DNAJC10: variants seen among roughly 807,000 people sequenced by gnomAD.
The protein encoded by DNAJC10 is endoplasmic reticulum disulfide reductase DNAJC10.
In DNAJC10, 101 loss-of-function variants were observed where a neutral mutation model predicts 115.0. The ratio of observed to expected loss-of-function variants is 0.88; its 90% CI spans 0.75 to 1.04. The LOEUF (loss-of-function observed/expected upper bound fraction) is 1.04, where lower values mean the gene tolerates loss of function less well. DNAJC10 is among the 50% of genes least tolerant of loss of function. The pLI, the probability that DNAJC10 is intolerant of heterozygous loss-of-function variation, is 0.00. For missense variants in DNAJC10, 981 were observed against 928.8 expected (o/e 1.06, Z -0.73); for synonymous variants, 307 against 301.5 (o/e 1.02, Z -0.19).
chr2:182,727,549 A>C (rs540583301), intron 5 of DNAJC10, among the ~76,000 whole-genome samples: 2 of 152,034 alleles, frequency 1.3e-5, no homozygotes, highest in Non-Finnish European at 2.9e-5. Flanking sequence ...AGAACAGCCC[A>C]TAGTCCTGAA....
intron 13 of DNAJC10, among the ~76,000 whole-genome samples, chr2:182,742,286 G>A (rs1376754433): frequency 2.0e-5 from 3 of 152,166 alleles, no homozygotes; most frequent in African/African-American, 7.2e-5. Flanking sequence ...ATGGGTTCAA[G>A]TGATTCTGGG....
intron 23 of DNAJC10, among the ~76,000 whole-genome samples, chr2:182,776,242 G>A (rs749161378): frequency 6.6e-6 from 1 of 151,960 alleles, no homozygotes; most frequent in East Asian, 1.9e-4. Flanking sequence ...CTCATAACAC[G>A]TTTTGAATAG....
At chr2:182,749,119 A>C (rs976846200) in intron 14 of DNAJC10, among the ~76,000 whole-genome samples, 1 of 151,872 alleles carries the variant, frequency 6.6e-6, no homozygotes, top group Non-Finnish European at 1.5e-5. Flanking sequence ...GTGCTGAAAA[A>C]AATGTATATT....
At chr2:182,721,260 T>G (rs889850457) in intron 4 of DNAJC10, among the ~76,000 whole-genome samples, 1 of 152,172 alleles carries the variant, frequency 6.6e-6, no homozygotes, top group Admixed American at 6.5e-5. Context: ...TTTTCAAGTA[T>G]ATTCTCTACA....
At chr2:182,720,201 G>T in intron 4 of DNAJC10, 32 bp downstream of exon 4, 1 of 1,550,222 alleles carries the variant, frequency 6.5e-7, no homozygotes, top group African/African-American at 1.4e-5. Context: ...TATGAAATGT[G>T]TTTTATCTGA....
intron 10 of DNAJC10, among the ~76,000 whole-genome samples, chr2:182,734,070 A>G (rs1574927417): frequency 7.3e-6 from 1 of 137,348 alleles, no homozygotes. Context: ...TCAAAGTCTC[A>G]AGTTTCAGCT....
rs767365143 is a variant in DNAJC10, at chr2:182,782,637, C to A, written c.*5505C>A. On this transcript the variant is annotated 3_prime_UTR_variant, in exon 24 of 24. Transcript: ENST00000264065. ...GTTCTTGAAGAGGTCCTTCACGTCC[C>A]TTGTAAGTTGTATTCCTAGGTATTT... The A allele has an allele frequency of 4.6e-5, 7 of 152,240 alleles. No individual in the cohort carries two copies. The highest frequency in any genetic ancestry group is 1.7e-4 in the African/African-American group (7 of 41,526). 9.4% of individuals were successfully genotyped at this position (152,240 alleles called of 1,614,324 possible). A position where few individuals can be genotyped will look rare whatever the true frequency, so the allele number is the denominator to read the frequency against.
Position 182,789,791 on chromosome 2 carries a change from T to C in DNAJC10, c.*12659T>C, listed in dbSNP as rs777158267. 2.6e-5 allele frequency: 4 copies of C among 152,186 alleles called. No homozygotes were observed. Among genetic ancestry groups the C allele is most frequent in the South Asian group, 2.1e-4 (1 of 4,832 alleles). The allele number at this position is 152,186 out of a possible 1,614,324, so 9.4% of individuals were successfully genotyped here. ...CTGCACCATTTTACATTCCCACCAA[T>C]AGTGCACAAGAGTTCTGATTTTTCC... On this transcript the variant is annotated 3_prime_UTR_variant, in exon 24 of 24. Transcript: ENST00000264065.
intron 11 of DNAJC10, 111 bp from the exon 12 acceptor site, chr2:182,740,188 C>A: frequency 1.7e-6 from 2 of 1,155,336 alleles, no homozygotes; most frequent in South Asian, 2.8e-5. Flanking sequence ...AACTATTTAC[C>A]TTCTATAATC....
rs1434181009 is a variant in DNAJC10 at position 182,781,604 on chromosome 2, T to C, written c.*4472T>C. ...AACAGTGTAAAAGCATTCCTATTTC[T>C]CCACATCCTCTCCAGCATCTGTTGT... On this transcript the variant is annotated 3_prime_UTR_variant, in exon 24 of 24. Transcript: ENST00000264065. The C allele has an allele frequency of 6.6e-6, 1 of 152,188 alleles. No individual in the cohort carries two copies. The highest frequency in any genetic ancestry group is 2.4e-5 in the African/African-American group (1 of 41,446). The allele number at this position is 152,188 out of a possible 1,614,324, so 9.4% of individuals were successfully genotyped here.
At chr2:182,733,914 T>A (rs1021139009) in intron 10 of DNAJC10, among the ~76,000 whole-genome samples, 1 of 151,544 alleles carries the variant, frequency 6.6e-6, no homozygotes, top group Non-Finnish European at 1.5e-5. Flanking sequence ...GCTATAAAAT[T>A]GTACATAATA....
At position 182,793,880 on chromosome 2, in the gene DNAJC10, TAAC is replaced by T. The variant is rs1485372156; in HGVS notation, c.*16751_*16753del. The stretch of plus-strand genomic sequence containing the variant: ...CACACACACACTACCTACAAAAAAA[TAAC>T]AATTAGAAAGTAATTGGAGCTTGAA... On this transcript the variant is annotated 3_prime_UTR_variant, in exon 24 of 24. Transcript: ENST00000264065. 7.6e-6 allele frequency: 1 copy of T among 131,064 alleles called. No individual in the cohort carries two copies. Among genetic ancestry groups the T allele is most frequent in the Non-Finnish European group, 1.6e-5 (1 of 61,406 alleles). The allele number at this position is 131,064 out of a possible 1,614,324, so 8.1% of individuals were successfully genotyped here. A position where few individuals can be genotyped will look rare whatever the true frequency, so the allele number is the denominator to read the frequency against.
intron 22 of DNAJC10, among the ~76,000 whole-genome samples, chr2:182,774,856 G>T (rs1694662906): frequency 6.6e-6 from 1 of 152,180 alleles, no homozygotes. Flanking sequence ...CTCGCCCTCT[G>T]TGGGCTGCAC....
chr2:182,752,761 A>G (rs891957069), intron 16 of DNAJC10: 1 of 162,988 alleles, frequency 6.1e-6, no homozygotes, highest in South Asian at 2.0e-4. Context: ...CTCCAGATCT[A>G]TTAGTCTTTA....
chr2:182,750,033 A>G (rs572965086), intron 14 of DNAJC10, among the ~76,000 whole-genome samples: 20 of 152,260 alleles, frequency 1.3e-4, no homozygotes, highest in African/African-American at 4.1e-4. Context: ...GGCTGCTCTC[A>G]ATATGGTAGC....
At chr2:182,763,665 C>T (rs1217550780) in intron 22 of DNAJC10, among the ~76,000 whole-genome samples, 1 of 152,144 alleles carries the variant, frequency 6.6e-6, no homozygotes, top group East Asian at 1.9e-4. Context: ...AAATAACATA[C>T]ACACAGTGCC....
chr2:182,759,882 A>G (rs1169919521), intron 21 of DNAJC10, among the ~76,000 whole-genome samples: 4 of 151,814 alleles, frequency 2.6e-5, no homozygotes, highest in African/African-American at 7.3e-5. Flanking sequence ...TCTGTTTTCC[A>G]TCTGCAATTG....
intron 10 of DNAJC10, chr2:182,732,807 T>A (rs1180415235): frequency 2.1e-6 from 1 of 468,118 alleles, no homozygotes; most frequent in Non-Finnish European, 3.7e-6. Context: ...TGAAGTTACA[T>A]GTTAGTGTTT....
rs977433717 is a variant in DNAJC10, at chr2:182,780,795, A to T, written c.*3663A>T. The T allele has an allele frequency of 6.6e-6, 1 of 152,176 alleles. No homozygotes were observed. Among genetic ancestry groups the T allele is most frequent in the Admixed American group, 6.6e-5 (1 of 15,262 alleles). 9.4% of individuals were successfully genotyped at this position (152,176 alleles called of 1,614,324 possible). On this transcript the variant is annotated 3_prime_UTR_variant, in exon 24 of 24. Transcript: ENST00000264065. ...AGCCAAAAATACAGCCAAAGTCTCA[A>T]CGCCAAACTGGTCTACATCAGTATG...
Sources: gnomAD v4.1 joint callset for allele counts (sites outside exome capture counted in the v4.1 genomes callset) on GRCh38, gnomAD v4.1.1 for gene constraint, MANE v1.5 for transcripts, NCBI Gene and HGNC (gene_info 2026-07-23, HGNC 2026-07-21) for gene names.